Variants in RRAGD observed in about 807,000 individuals in gnomAD.
RRAGD encodes the protein Ras related GTP binding D.
Under a neutral mutation model 35.5 loss-of-function variants are expected in RRAGD, and 12 were observed. The ratio of observed to expected loss-of-function variants is 0.34; its 90% CI spans 0.22 to 0.55. The LOEUF is 0.55. RRAGD is among the 20% of genes least tolerant of loss of function. The pLI, the probability that RRAGD is intolerant of heterozygous loss-of-function variation, is 0.91. For missense variants in RRAGD, 324 were observed against 490.1 expected (o/e 0.66, Z 3.20); for synonymous variants, 155 against 178.9 (o/e 0.87, Z 1.07).
At position 89,382,566 on chromosome 6, in the gene RRAGD, G is replaced by C. The variant is rs186787443; in HGVS notation, c.445-2199C>G. 1.8e-3 allele frequency among the ~76,000 whole-genome samples: 277 copies of C among 151,196 alleles called. 2 individuals are homozygous for C. The highest frequency in any genetic ancestry group is 6.5e-3 in the African/African-American group (267 of 41,096). Reference sequence around the variant, plus strand: ...CTCCAACCTAGGTAACAGAGTGAGAGCCTGCCTGTAAAAATTAAATAAAAT... The same window carrying C: ...CTCCAACCTAGGTAACAGAGTGAGACCCTGCCTGTAAAAATTAAATAAAAT... On this transcript the variant is annotated intron_variant, in intron 2 of 6. Transcript: ENST00000369415.
intron 5 of RRAGD, among the ~76,000 whole-genome samples, chr6:89,373,976 C>A (rs1350291893): frequency 2.0e-5 from 3 of 152,180 alleles, no homozygotes; most frequent in African/African-American, 7.2e-5. Context: ...TTCCCTAAAC[C>A]TTTTCCCCCT....
intron 1 of RRAGD, among the ~76,000 whole-genome samples, chr6:89,390,180 GA>G (rs143932434): frequency 1.3e-5 from 2 of 148,548 alleles, no homozygotes; most frequent in Admixed American, 1.3e-4. Context: ...ACAAGCAACA[GA>G]AAAAAAAACA....
chr6:89,394,892 T>C (rs142635183), intron 1 of RRAGD, among the ~76,000 whole-genome samples: 66 of 152,278 alleles, frequency 4.3e-4, no homozygotes, highest in African/African-American at 1.5e-3. Context: ...CACATACATA[T>C]ATAATTAAAA....
intron 1 of RRAGD, among the ~76,000 whole-genome samples, chr6:89,401,726 C>T (rs1352581517): frequency 3.9e-5 from 6 of 152,208 alleles, no homozygotes; most frequent in Admixed American, 1.3e-4. Context: ...CCTTCTTCAG[C>T]TCAGCCCAGC....
At chr6:89,403,433 A>T (rs1271712641) in intron 1 of RRAGD, among the ~76,000 whole-genome samples, 1 of 151,812 alleles carries the variant, frequency 6.6e-6, no homozygotes, top group Non-Finnish European at 1.5e-5. Context: ...CGACAGAGCA[A>T]GACTCTGTCA....
chr6:89,377,272 G>A (rs1321393767), intron 5 of RRAGD, among the ~76,000 whole-genome samples: 2 of 152,264 alleles, frequency 1.3e-5, no homozygotes, highest in African/African-American at 4.8e-5. Flanking sequence ...CCCAACCCCT[G>A]TGTTGTTCAA....
Position 89,412,042 on chromosome 6 carries a change from G to T in RRAGD, c.-49C>A. On this transcript the variant is annotated 5_prime_UTR_variant, in exon 1 of 7. Transcript: ENST00000369415. The surrounding 1 kb of genome is among the most constrained non-coding windows in gnomAD (Gnocchi z 4.2). Reference sequence around the variant, plus strand: ...GGGGACGGCGGGGGTCCCGGGGTGGGGGCCAAGCCTCCTAGCCGGCCGCCC... The same window carrying T: ...GGGGACGGCGGGGGTCCCGGGGTGGTGGCCAAGCCTCCTAGCCGGCCGCCC... 6.7e-7 allele frequency: 1 copy of T among 1,497,846 alleles called. No homozygotes were observed. Among genetic ancestry groups the T allele is most frequent in the Non-Finnish European group, 8.9e-7 (1 of 1,127,252 alleles). The allele number at this position is 1,497,846 out of a possible 1,614,324, so 92.8% of individuals were successfully genotyped here.
chr6:89,400,536 T>TG (rs1769438655), intron 1 of RRAGD, among the ~76,000 whole-genome samples: 1 of 151,292 alleles, frequency 6.6e-6, no homozygotes, highest in Non-Finnish European at 1.5e-5. Flanking sequence ...TCATAGAGCC[T>TG]GGGTAGCTTA....
At chr6:89,380,717 C>T (rs569692318) in intron 2 of RRAGD, among the ~76,000 whole-genome samples, 10 of 152,058 alleles carry the variant, frequency 6.6e-5, no homozygotes, top group Admixed American at 1.3e-4. Context: ...ACCATCCTGG[C>T]TAACACGGTG....
At chr6:89,384,115 A>G (rs1434953816) in intron 2 of RRAGD, among the ~76,000 whole-genome samples, 2 of 151,484 alleles carry the variant, frequency 1.3e-5, no homozygotes, top group East Asian at 1.9e-4. Context: ...AAAAAAAAAA[A>G]GAAAGAAAGG....
chr6:89,391,707 C>A (rs1446537930), intron 1 of RRAGD, among the ~76,000 whole-genome samples: 1 of 152,056 alleles, frequency 6.6e-6, no homozygotes, highest in East Asian at 1.9e-4. Context: ...AATCATAGCA[C>A]TTTGGGAGGC....
At chr6:89,401,264 T>A (rs538250547) in intron 1 of RRAGD, among the ~76,000 whole-genome samples, 93 of 148,370 alleles carry the variant, frequency 6.3e-4, no homozygotes, top group African/African-American at 1.1e-3. Flanking sequence ...CACAATATAT[T>A]TTTTTTTTTT....
At chr6:89,382,400 A>AAT (rs58343827) in intron 2 of RRAGD, among the ~76,000 whole-genome samples, 10,347 of 130,802 alleles carry the variant, frequency 0.079, 519 homozygotes, top group African/African-American at 0.1. Context: ...TATCTCTAGA[A>AAT]ATATATATAT....
chr6:89,368,539 A>G (rs1420769259), intron 6 of RRAGD, among the ~76,000 whole-genome samples: 2 of 152,196 alleles, frequency 1.3e-5, no homozygotes, highest in Admixed American at 1.3e-4. Context: ...ATTTCTTACA[A>G]TTAAGAGAAA....
intron 1 of RRAGD, among the ~76,000 whole-genome samples, chr6:89,409,875 T>C (rs931618401): frequency 2.6e-5 from 4 of 152,216 alleles, no homozygotes; most frequent in African/African-American, 9.7e-5. Context: ...AGACCAGGCT[T>C]AAGCAACGTT....
At chr6:89,378,819 A>G (rs1768992726) in intron 4 of RRAGD, among the ~76,000 whole-genome samples, 1 of 152,212 alleles carries the variant, frequency 6.6e-6, no homozygotes, top group Non-Finnish European at 1.5e-5. Context: ...GTGCAGTGGC[A>G]CAATCATGGC....
At chr6:89,399,352 A>G (rs773624380) in intron 1 of RRAGD, among the ~76,000 whole-genome samples, 1 of 152,244 alleles carries the variant, frequency 6.6e-6, no homozygotes, top group East Asian at 1.9e-4. Flanking sequence ...AAATTCAATC[A>G]TGGGCCACCA....
intron 1 of RRAGD, among the ~76,000 whole-genome samples, chr6:89,389,807 C>T (rs903768946): frequency 1.3e-5 from 2 of 152,050 alleles, no homozygotes; most frequent in Non-Finnish European, 1.5e-5. Flanking sequence ...ACTATCAGAC[C>T]TTGAAAAAGA....
intron 2 of RRAGD, among the ~76,000 whole-genome samples, chr6:89,381,739 TG>T (rs1408764124): frequency 6.6e-6 from 1 of 152,244 alleles, no homozygotes; most frequent in African/African-American, 2.4e-5. Context: ...TTCCTTTTAA[TG>T]GCTCTATAAA....
Sources: gnomAD v4.1 joint callset for allele counts (sites outside exome capture counted in the v4.1 genomes callset) on GRCh38, gnomAD v4.1.1 for gene constraint, Gnocchi (gnomAD v3.1) non-coding constraint, MANE v1.5 for transcripts, NCBI Gene and HGNC (gene_info 2026-07-23, HGNC 2026-07-21) for gene names.